Variants in SPTB observed in about 807,000 individuals in gnomAD.
SPTB encodes the protein spectrin beta, erythrocytic.
SPTB carries 45 observed loss-of-function variants against 256.2 expected under a neutral mutation model. The observed-to-expected ratio is 0.18, with a 90% CI of 0.14 to 0.23. SPTB has a LOEUF of 0.23. Among genes scored for constraint, SPTB ranks in the 10% least tolerant of loss-of-function variants. The pLI is 1.00. For synonymous variants in SPTB, 1,231 were observed against 1,243.1 expected (o/e 0.99, Z 0.21); for missense variants, 2,715 against 3,040.4 (o/e 0.89, Z 2.52).
At chr14:64,803,812 G>A in intron 3 of SPTB, 32 bp from the exon 4 acceptor site, 1 of 1,579,646 alleles carries the variant, frequency 6.3e-7, no homozygotes, top group East Asian at 2.3e-5. Context: ...CGTGGGCATG[G>A]AGGGACTGCA....
Position 64,806,082 on chromosome 14 carries a change from G to A in SPTB, c.149-992C>T, listed in dbSNP as rs572851730. Among the ~76,000 whole-genome samples, 1 of 151,372 alleles carries A rather than the reference G, an allele frequency of 6.6e-6. No homozygotes were observed. Among genetic ancestry groups the A allele is most frequent in the Admixed American group, 6.6e-5 (1 of 15,210 alleles). On this transcript the variant is annotated intron_variant, in intron 2 of 35. Coordinates refer to ENST00000644917, the MANE Select transcript of SPTB (RefSeq NM_001355436.2). The surrounding 1 kb of genome is among the most constrained non-coding windows in gnomAD (Gnocchi z 4.1). ...CAAGTTAGGCACCAGCATTACCTGG[G>A]GAAGCTCAGACAAGATGCTGGAGAG... is the stretch of plus-strand genomic sequence containing the variant.
chr14:64,867,977 A>G (rs1882292738), intron 1 of SPTB, among the ~76,000 whole-genome samples: 1 of 152,130 alleles, frequency 6.6e-6, no homozygotes, highest in South Asian at 2.1e-4. Flanking sequence ...CCTGAAGTTG[A>G]GCAAGTCCCA....
At chr14:64,835,054 A>G (rs973021194) in intron 1 of SPTB, among the ~76,000 whole-genome samples, 1 of 152,196 alleles carries the variant, frequency 6.6e-6, no homozygotes, top group African/African-American at 2.4e-5. Flanking sequence ...TTAAGTGAAA[A>G]TTCATCTTTT....
intron 3 of SPTB, among the ~76,000 whole-genome samples, chr14:64,804,336 A>G (rs1273495517): frequency 6.6e-6 from 1 of 152,230 alleles, no homozygotes; most frequent in Admixed American, 6.5e-5. Context: ...TTTTCATTCA[A>G]ACTCTGAGGA....
chr14:64,794,169 G>C (rs1014960780), intron 13 of SPTB, among the ~76,000 whole-genome samples: 2 of 152,178 alleles, frequency 1.3e-5, no homozygotes, highest in African/African-American at 4.8e-5. Context: ...GAAAGATGCA[G>C]TGAGGTCTCT....
chr14:64,823,175 A>T lies in SPTB; in HGVS notation c.-51-30T>A, dbSNP rs1248020989. 41 of 1,552,702 alleles carry T rather than the reference A, an allele frequency of 2.6e-5. No homozygotes were observed. Among genetic ancestry groups the T allele is most frequent in the Non-Finnish European group, 3.5e-5 (39 of 1,125,662 alleles). On this transcript the variant is annotated intron_variant, in intron 1 of 35. Transcript: ENST00000644917. The surrounding 1 kb of genome is among the most constrained non-coding windows in gnomAD (Gnocchi z 6.5). ...GGGACAGCAACACAGTCAGAGGGTT[A>T]TCTCTCTACCCCCTCGGACTTTTTC...
intron 33 of SPTB, chr14:64,750,369 A>ATT (rs137923877): frequency 9.3e-5 from 42 of 452,692 alleles, no homozygotes; most frequent in Admixed American, 5.1e-4. Context: ...ACATTTTCGC[A>ATT]TTTTTTTTTT....
intron 32 of SPTB, among the ~76,000 whole-genome samples, chr14:64,761,157 G>T (rs944316562): frequency 6.6e-6 from 1 of 152,198 alleles, no homozygotes; most frequent in African/African-American, 2.4e-5. Context: ...GACTCTGGCC[G>T]CCAAGAAGTG....
In SPTB at chr14:64,786,916, C is replaced by G. The variant is rs761363915; in HGVS notation, c.3049G>C (p.Glu1017Gln). 6.2e-7 allele frequency: 1 copy of G among 1,613,158 alleles called. No homozygotes were observed. The highest frequency in any genetic ancestry group is 1.3e-5 in the African/African-American group (1 of 74,926). The change falls in exon 16 of 36, where the codon GAG becomes CAG. Residue 1017 changes from glutamate (E) to glutamine (Q), a missense_variant. This residue lies in a region of SPTB where 2,239 missense variants were observed against 2,384.4 expected (regional missense o/e 0.94). Coordinates refer to ENST00000644917, the MANE Select transcript of SPTB (RefSeq NM_001355436.2). This position sits in a 1 kb window ranked among gnomAD's most constrained non-coding sequence, Gnocchi z 5.6. ...TGCGAGTCCATCAGCTGCTGGGACT[C>G]ACGCTCCAGGGCATCCACACGGGCC... ...IQARVDALER[E>Q]SQQLMDSHPE...
chr14:64,774,436 C>T lies in SPTB; in HGVS notation c.4934G>A (p.Ser1645Asn), dbSNP rs1004837830. The T allele has an allele frequency of 5.1e-6, 8 of 1,574,156 alleles. No homozygotes were observed. Among genetic ancestry groups the T allele is most frequent in the Admixed American group, 1.8e-5 (1 of 54,800 alleles). ...TGCAGACAGCAGGCCCTGGGCCCGGCTGGCCAGCTGCTTGATGTTCCGGCC... is the reference window on the plus strand; with the variant it reads ...TGCAGACAGCAGGCCCTGGGCCCGGTTGGCCAGCTGCTTGATGTTCCGGCC... ...DYGRNIKQLA[S>N]RAQGLLSAGH... Residue 1645 changes from serine to asparagine, a missense_variant, in exon 24 of 36, where the codon AGC becomes AAC. Coordinates refer to ENST00000644917, the MANE Select transcript of SPTB (RefSeq NM_001355436.2).
Position 64,796,760 on chromosome 14 carries a change from G to C in SPTB, c.1183-45C>G. ...AGAATTCTTGGGGCACAGGAGAAAT[G>C]CCTCACTTTGGGGGCTCCACCCCTT... On this transcript the variant is annotated intron_variant, in intron 10 of 35. Transcript: ENST00000644917. The surrounding 1 kb of genome is among the most constrained non-coding windows in gnomAD (Gnocchi z 4.1). 6.2e-7 allele frequency: 1 copy of C among 1,612,562 alleles called. No homozygotes were observed. The highest frequency in any genetic ancestry group is 2.2e-5 in the East Asian group (1 of 44,878).
At chr14:64,828,162 G>A (rs1227408678) in intron 1 of SPTB, among the ~76,000 whole-genome samples, 6 of 152,216 alleles carry the variant, frequency 3.9e-5, no homozygotes, top group Admixed American at 3.9e-4. Context: ...GTCGACTGCT[G>A]TTTGGTGAGG....
intron 31 of SPTB, 63 bp from the exon 32 acceptor site, chr14:64,766,864 G>A: frequency 6.3e-7 from 1 of 1,595,044 alleles, no homozygotes; most frequent in Non-Finnish European, 8.5e-7. Context: ...CCTCCTGCGA[G>A]GCCTGGCTTT....
chr14:64,771,178 G>A (rs774904581), intron 26 of SPTB, 49 bp from the exon 27 acceptor site: 2 of 1,608,808 alleles, frequency 1.2e-6, no homozygotes, highest in South Asian at 2.2e-5. Flanking sequence ...TGCTCCCTAG[G>A]TGCTGTGGGC....
Position 64,823,593 on chromosome 14 carries a change from A to T in SPTB, c.-51-448T>A, listed in dbSNP as rs939848181. Among the ~76,000 whole-genome samples, 1 of 152,092 alleles carries T rather than the reference A, an allele frequency of 6.6e-6. No individual in the cohort carries two copies. Among genetic ancestry groups the T allele is most frequent in the African/African-American group, 2.4e-5 (1 of 41,422 alleles). ...AGATGGGGACAGGCCAGGGGAAGGG[A>T]GAGGCTGGAAACAGGCTGAGTCTGA... is the stretch of plus-strand genomic sequence containing the variant. On this transcript the variant is annotated intron_variant, in intron 1 of 35. Coordinates refer to ENST00000644917, the MANE Select transcript of SPTB (RefSeq NM_001355436.2). This position sits in a 1 kb window ranked among gnomAD's most constrained non-coding sequence, Gnocchi z 6.5.
rs1361974987 is a variant in SPTB at position 64,747,904 on chromosome 14, A to AT, written c.*1401dup. Reference sequence around the variant, plus strand: ...CTTTCGGAGTAGAGTGGTGGGGAAAATATGGAATGAGCTTTCTCTTCCTCC... The same window carrying AT: ...CTTTCGGAGTAGAGTGGTGGGGAAAATTATGGAATGAGCTTTCTCTTCCTCC... On this transcript the variant is annotated 3_prime_UTR_variant, in exon 36 of 36. Coordinates refer to ENST00000644917, the MANE Select transcript of SPTB (RefSeq NM_001355436.2). 2.7e-5 allele frequency: 4 copies of AT among 150,418 alleles called. No individual in the cohort carries two copies. 9.3% of individuals were successfully genotyped at this position (150,418 alleles called of 1,614,324 possible).
intron 2 of SPTB, among the ~76,000 whole-genome samples, chr14:64,805,667 T>C (rs1324482597): frequency 1.3e-5 from 2 of 152,174 alleles, no homozygotes; most frequent in Non-Finnish European, 2.9e-5. Context: ...GCCTGGAGCC[T>C]GGTGCACCAT....
rs565526219 is a variant in SPTB at position 64,847,783 on chromosome 14, C to T, written c.-51-24638G>A. On this transcript the variant is annotated intron_variant, in intron 1 of 35. Transcript: ENST00000644917. This position sits in a 1 kb window ranked among gnomAD's most constrained non-coding sequence, Gnocchi z 5.9. ...AACACAGCATGCCACCCTTTGCTGT[C>T]GTGTCAGCCAGCACAGAGCAGCTCT... 1.3e-3 allele frequency among the ~76,000 whole-genome samples: 201 copies of T among 152,300 alleles called. No individual in the cohort carries two copies. The highest frequency in any genetic ancestry group is 4.5e-3 in the African/African-American group (187 of 41,550).
chr14:64,839,393 AAT>A (rs1194531962), intron 1 of SPTB, among the ~76,000 whole-genome samples: 1 of 152,204 alleles, frequency 6.6e-6, no homozygotes, highest in Non-Finnish European at 1.5e-5. Context: ...AGGGACAGGA[AAT>A]AAATCAGTGG....
Sources: allele counts gnomAD v4.1 joint callset (sites outside exome capture counted in the v4.1 genomes callset), GRCh38; gene constraint gnomAD v4.1.1; regional missense constraint gnomAD v4.1.1; non-coding constraint Gnocchi (gnomAD v3.1); transcripts MANE v1.5; gene names NCBI Gene and HGNC (gene_info 2026-07-23, HGNC 2026-07-21).